PRKCG: variants seen among roughly 807,000 people sequenced by gnomAD.
The protein encoded by PRKCG is protein kinase C gamma type.
A neutral mutation model predicts 82.0 loss-of-function variants in PRKCG; 28 were observed. The ratio of observed to expected loss-of-function variants is 0.34; its 90% CI spans 0.25 to 0.47. The LOEUF (loss-of-function observed/expected upper bound fraction) is 0.47, where lower values mean the gene tolerates loss of function less well. Ranked by LOEUF, PRKCG falls within the 20% of genes least tolerant of loss-of-function variation. The probability of loss-of-function intolerance (pLI) is 1.00; values close to 1 mark genes in which losing one functional copy is unlikely to be tolerated. For synonymous variants in PRKCG, 383 were observed against 376.6 expected, an observed-to-expected ratio of 1.02 and a Z score of -0.20; for missense variants, 640 against 952.7, an observed-to-expected ratio of 0.67 and a Z score of 4.32.
chr19:53,888,028 C>T (rs890956147), intron 3 of PRKCG, among the ~76,000 whole-genome samples: 2 of 152,074 alleles, frequency 1.3e-5, no homozygotes, highest in Non-Finnish European at 1.5e-5. Context: ...CCACAGCCTC[C>T]GTGCTGTCTC....
intron 16 of PRKCG, among the ~76,000 whole-genome samples, chr19:53,906,019 CTG>C (rs2068801152): frequency 1.1e-4 from 12 of 110,440 alleles, no homozygotes; most frequent in East Asian, 2.4e-4. Context: ...CGCTCTCTGT[CTG>C]TCTCCCTCCT....
intron 9 of PRKCG, among the ~76,000 whole-genome samples, chr19:53,896,376 G>GATTATTATTATT (rs113382850): frequency 1.8e-4 from 25 of 141,956 alleles, no homozygotes; most frequent in Non-Finnish European, 3.5e-4. Context: ...AAACAGCCCT[G>GATTATTATTATT]ATTATTATTA....
In PRKCG at chr19:53,885,927, T is replaced by G. The variant is rs1048887493; in HGVS notation, c.285+1684T>G. On this transcript the variant is annotated intron_variant, in intron 3 of 17. Transcript: ENST00000263431. ...TGGGTACACTCATCAAGATTTTTTT[T>G]TTTGTTTTTTGCCTGTAATCCCAGC... Among the ~76,000 whole-genome samples the G allele has an allele frequency of 4.0e-5, 6 of 151,684 alleles. No individual in the cohort carries two copies. The East Asian group carries it at 9.8e-4, about 25-fold the overall frequency.
At position 53,892,762 on chromosome 19, in the gene PRKCG, A is replaced by ACACACACACACACACACACG. The variant is rs1028323583; in HGVS notation, c.821+129_821+148dup. The stretch of plus-strand genomic sequence containing the variant: ...TGCCTCCCAGCATGCGCACACACAC[A>ACACACACACACACACACACG]CACACACACACACACACACGCACAC... On this transcript the variant is annotated intron_variant, in intron 7 of 17. Coordinates refer to ENST00000263431, the MANE Select transcript of PRKCG (RefSeq NM_002739.5). This position sits in a 1 kb window ranked among gnomAD's most constrained non-coding sequence, Gnocchi z 5.9. 1 of 1,089,866 alleles carries ACACACACACACACACACACG rather than the reference A, an allele frequency of 9.2e-7. No individual in the cohort carries two copies. The highest frequency in any genetic ancestry group is 1.3e-6 in the Non-Finnish European group (1 of 780,938). 67.5% of individuals were successfully genotyped at this position (1,089,866 alleles called of 1,614,324 possible). A position where few individuals can be genotyped will look rare whatever the true frequency, so the allele number is the denominator to read the frequency against.
chr19:53,898,074 G>A lies in PRKCG; in HGVS notation c.1055G>A (p.Ser352Asn), dbSNP rs762206157. 25 of 1,614,022 alleles carry A rather than the reference G, an allele frequency of 1.5e-5. No individual in the cohort carries two copies. In the East Asian group the frequency reaches 5.6e-4, roughly 36 times the overall value. Residue 352 changes from serine (S) to asparagine (N), a missense_variant, in exon 10 of 18, where the codon AGC (serine) becomes AAC (asparagine). Around this residue, in one of 7 missense-constraint regions of PRKCG, gnomAD observed 261 missense variants for 312.1 expected, o/e 0.84. Transcript: ENST00000263431. The stretch of plus-strand genomic sequence containing the variant: ...GGACGCCTGCACATCTCCGACTTCA[G>A]CTTCCTCATGGTTCTAGGAAAAGGC... Reference protein sequence around the residue: ...SPGRLHISDFSFLMVLGKGSF... With the variant: ...SPGRLHISDFNFLMVLGKGSF...
Position 53,900,394 on chromosome 19 carries a change from C to G in PRKCG, c.1374-25C>G. On this transcript the variant is annotated intron_variant, in intron 12 of 17. Transcript: ENST00000263431. This position sits in a 1 kb window ranked among gnomAD's most constrained non-coding sequence, Gnocchi z 4.2. Reference sequence around the variant, plus strand: ...CAGGATCCAGCCACTGACCTTCTGACGTCCCCACCCACCCCGTCCTCCAGG... The same window carrying G: ...CAGGATCCAGCCACTGACCTTCTGAGGTCCCCACCCACCCCGTCCTCCAGG... The G allele has an allele frequency of 6.2e-7, 1 of 1,614,096 alleles. No homozygotes were observed. Among genetic ancestry groups the G allele is most frequent in the Non-Finnish European group, 8.5e-7 (1 of 1,179,990 alleles).
Position 53,898,059 on chromosome 19 carries a change from A to G in PRKCG, c.1040A>G (p.His347Arg). Reference sequence around the variant, plus strand: ...TTCGGGGCGAGTCCAGGACGCCTGCACATCTCCGACTTCAGCTTCCTCATG... The same window carrying G: ...TTCGGGGCGAGTCCAGGACGCCTGCGCATCTCCGACTTCAGCTTCCTCATG... ...CFFGASPGRL[H>R]ISDFSFLMVL... Residue 347 changes from histidine to arginine, a missense_variant, in exon 10 of 18, where the codon CAC (histidine) becomes CGC (arginine). Physicochemically the swap from His to Arg is conservative, Grantham distance 29. Transcript: ENST00000263431. The G allele has an allele frequency of 1.2e-6, 2 of 1,613,886 alleles. No homozygotes were observed. Among genetic ancestry groups the G allele is most frequent in the Non-Finnish European group, 1.7e-6 (2 of 1,179,986 alleles).
At chr19:53,896,424 G>A (rs988460132) in intron 9 of PRKCG, among the ~76,000 whole-genome samples, 1 of 140,384 alleles carries the variant, frequency 7.1e-6, no homozygotes, top group African/African-American at 2.6e-5. Context: ...TTATTATTAT[G>A]TATTTATCTA....
rs1482162743 is a variant in PRKCG, at chr19:53,889,791, G to A, written c.397+42G>A. ...TTGCCAGGGCCCTTCCAAAGCGCCC[G>A]GTCTGGGTTCCGGGAAATGCCCGGG... On this transcript the variant is annotated intron_variant, in intron 4 of 17. Coordinates refer to ENST00000263431, the MANE Select transcript of PRKCG (RefSeq NM_002739.5). The surrounding 1 kb of genome is among the most constrained non-coding windows in gnomAD (Gnocchi z 4.4). 6.2e-7 allele frequency: 1 copy of A among 1,601,094 alleles called. No homozygotes were observed. Among genetic ancestry groups the A allele is most frequent in the Non-Finnish European group, 8.5e-7 (1 of 1,173,968 alleles).
intron 15 of PRKCG, 149 bp downstream of exon 15, chr19:53,903,302 G>A: frequency 1.3e-6 from 1 of 746,066 alleles, no homozygotes; most frequent in Non-Finnish European, 2.4e-6. Context: ...ATGTAGACCA[G>A]GTGTTTTGTT....
chr19:53,891,335 G>A (rs1450181716), intron 5 of PRKCG, among the ~76,000 whole-genome samples: 1 of 150,270 alleles, frequency 6.7e-6, no homozygotes, highest in Non-Finnish European at 1.5e-5. Flanking sequence ...GGAGTGCAGT[G>A]GCGTAATCTC....
In PRKCG at chr19:53,906,454, C is replaced by T. The variant is rs1317474781; in HGVS notation, c.1902C>T (p.Arg634=). The T allele has an allele frequency of 1.3e-6, 2 of 1,574,614 alleles. No homozygotes were observed. The highest frequency in any genetic ancestry group is 1.4e-5 in the African/African-American group (1 of 73,848). Residue 634 remains arginine, a synonymous_variant, in exon 17 of 18, where the codon CGC becomes CGT. Coordinates refer to ENST00000263431, the MANE Select transcript of PRKCG (RefSeq NM_002739.5). The part of the protein sequence containing the change: ...RLEIPPPFRP[R]PCGRSGENFD... ...AGATCCCGCCTCCTTTCAGACCCCG[C>T]CCGGTCAGTCACCCTCCAGGCAACA... is the stretch of plus-strand genomic sequence containing the variant.
chr19:53,906,084 C>CCTTCTT (rs1199099703), intron 16 of PRKCG, among the ~76,000 whole-genome samples: 538 of 27,796 alleles, frequency 0.019, 19 homozygotes, highest in East Asian at 0.042. Context: ...TCCTCCTCCT[C>CCTTCTT]CTTCTTCTTC....
intron 3 of PRKCG, among the ~76,000 whole-genome samples, chr19:53,885,091 G>A (rs1204961641): frequency 6.6e-6 from 1 of 152,214 alleles, no homozygotes; most frequent in Non-Finnish European, 1.5e-5. Context: ...TGTTTACAGT[G>A]ACGGAAGCAT....
chr19:53,893,385 G>C lies in PRKCG; in HGVS notation c.933G>C (p.Leu311Phe), dbSNP rs2068694629. 3 of 1,613,626 alleles carry C rather than the reference G, an allele frequency of 1.9e-6. No homozygotes were observed. The highest frequency in any genetic ancestry group is 1.7e-5 in the Admixed American group (1 of 60,014). The part of the protein sequence containing the change: ...KFEACNYPLE[L>F]YERVRMGPSS... ...AGGCTTGTAACTACCCCCTGGAATT[G>C]TATGAGGTGAGTAGAACCAGGGCGT... Residue 311 changes from leucine to phenylalanine, a missense_variant, in exon 9 of 18, where the codon TTG becomes TTC. This residue lies in a region of PRKCG where 261 missense variants were observed against 312.1 expected (regional missense o/e 0.84). Transcript: ENST00000263431.
chr19:53,904,148 C>T (rs558225538), intron 15 of PRKCG, among the ~76,000 whole-genome samples: 1 of 152,028 alleles, frequency 6.6e-6, no homozygotes, highest in Admixed American at 6.5e-5. Flanking sequence ...GTAATCCAAG[C>T]ACTTTGGGAG....
intron 11 of PRKCG, among the ~76,000 whole-genome samples, 160 bp downstream of exon 11, chr19:53,898,788 G>GGT (rs2068737952): frequency 7.5e-6 from 1 of 132,656 alleles, no homozygotes; most frequent in African/African-American, 3.0e-5. Context: ...TGGCCGGGGG[G>GGT]GGGTCCTTGG....
In PRKCG at chr19:53,889,598, C is replaced by T. The variant is rs1437759908; in HGVS notation, c.286-40C>T. On this transcript the variant is annotated intron_variant, in intron 3 of 17. Transcript: ENST00000263431. This position sits in a 1 kb window ranked among gnomAD's most constrained non-coding sequence, Gnocchi z 4.4. Reference sequence around the variant, plus strand: ...GGGCCCCTCCCCTGGGGTTTTAGGACCCTCCCAACGCCCCCTAAGCCAGTC... The same window carrying T: ...GGGCCCCTCCCCTGGGGTTTTAGGATCCTCCCAACGCCCCCTAAGCCAGTC... The T allele has an allele frequency of 1.3e-6, 2 of 1,526,786 alleles. No individual in the cohort carries two copies. The highest frequency in any genetic ancestry group is 1.8e-6 in the Non-Finnish European group (2 of 1,101,852). 94.6% of individuals were successfully genotyped at this position (1,526,786 alleles called of 1,614,324 possible).
At chr19:53,906,034 TCC>T (rs2068802223) in intron 16 of PRKCG, among the ~76,000 whole-genome samples, 1 of 79,688 alleles carries the variant, frequency 1.3e-5, no homozygotes, top group African/African-American at 5.8e-5. Context: ...TCCCTCCTCC[TCC>T]TCCTCCCTCC....
Sources: allele counts gnomAD v4.1 joint callset (sites outside exome capture counted in the v4.1 genomes callset), GRCh38; gene constraint gnomAD v4.1.1; regional missense constraint gnomAD v4.1.1; non-coding constraint Gnocchi (gnomAD v3.1); transcripts MANE v1.5; gene names NCBI Gene and HGNC (gene_info 2026-07-23, HGNC 2026-07-21).